Variants in TLR5 observed in about 807,000 individuals in gnomAD.
TLR5 encodes toll like receptor 5, also known as toll-like receptor 5.
For synonymous variants in TLR5, 373 were observed against 384.4 expected (o/e 0.97, Z 0.35); for missense variants, 944 against 999.8 (o/e 0.94, Z 0.75).
At chr1:223,116,351 T>C (rs962939243) in intron 5 of TLR5, among the ~76,000 whole-genome samples, 3 of 152,158 alleles carry the variant, frequency 2.0e-5, no homozygotes, top group African/African-American at 7.2e-5. Context: ...AGTGAATCTA[T>C]AGACCTTCAC....
chr1:223,140,953 T>C (rs968520429), intron 2 of TLR5, among the ~76,000 whole-genome samples: 1 of 152,228 alleles, frequency 6.6e-6, no homozygotes, highest in African/African-American at 2.4e-5. Flanking sequence ...TGCCTCAAAC[T>C]TGGGTTTGTC....
intron 2 of TLR5, among the ~76,000 whole-genome samples, chr1:223,140,084 C>A (rs1657774629): frequency 6.6e-6 from 1 of 152,164 alleles, no homozygotes; most frequent in South Asian, 2.1e-4. Flanking sequence ...CAATGGAGAA[C>A]AAAGGAGAAA....
intron 5 of TLR5, among the ~76,000 whole-genome samples, chr1:223,116,609 T>A (rs1202631025): frequency 1.3e-5 from 2 of 152,200 alleles, no homozygotes; most frequent in African/African-American, 4.8e-5. Flanking sequence ...GGGCTGCCAC[T>A]GCTGGCCGCC....
At chr1:223,129,248 T>C (rs1657299423) in intron 5 of TLR5, 2 of 152,274 alleles carry the variant, frequency 1.3e-5, no homozygotes, top group African/African-American at 2.4e-5. Context: ...GCAGAAACCA[T>C]GCGCCAGGCA....
chr1:223,133,893 G>T (rs5744154), intron 4 of TLR5, among the ~76,000 whole-genome samples: 50 of 152,344 alleles, frequency 3.3e-4, no homozygotes, highest in African/African-American at 1.1e-3. Flanking sequence ...GCGGAGCCGC[G>T]GCCGGAGAGT....
intron 5 of TLR5, 139 bp downstream of exon 5, chr1:223,132,336 T>C (rs944528344): frequency 7.9e-5 from 12 of 152,174 alleles, no homozygotes; most frequent in African/African-American, 2.4e-4. Flanking sequence ...TATTTCAGCC[T>C]GGGCGACAGA....
chr1:223,115,149 T>C (rs1204089823), intron 5 of TLR5, among the ~76,000 whole-genome samples: 1 of 152,238 alleles, frequency 6.6e-6, no homozygotes, highest in African/African-American at 2.4e-5. Flanking sequence ...ACTTACATGA[T>C]TCAGCTCTTG....
intron 5 of TLR5, among the ~76,000 whole-genome samples, chr1:223,116,608 C>G (rs1656666906): frequency 6.6e-6 from 1 of 152,184 alleles, no homozygotes; most frequent in Non-Finnish European, 1.5e-5. Context: ...TGGGCTGCCA[C>G]TGCTGGCCGC....
At chr1:223,125,212 GA>G (rs1657118559) in intron 5 of TLR5, among the ~76,000 whole-genome samples, 1 of 152,116 alleles carries the variant, frequency 6.6e-6, no homozygotes, top group Non-Finnish European at 1.5e-5. Context: ...AATCACGTTA[GA>G]AACAAATTTA....
At chr1:223,126,867 C>T (rs947875184) in intron 5 of TLR5, 1 of 152,204 alleles carries the variant, frequency 6.6e-6, no homozygotes, top group Non-Finnish European at 1.5e-5. Context: ...TCCTGCCAAG[C>T]ACTGTTAATT....
intron 4 of TLR5, among the ~76,000 whole-genome samples, chr1:223,132,862 C>G (rs188255652): frequency 3.8e-4 from 58 of 152,326 alleles, no homozygotes; most frequent in African/African-American, 1.4e-3. Flanking sequence ...GGCCCAGCCT[C>G]TTGTTCAGAA....
chr1:223,112,709 T>A lies in TLR5; in HGVS notation c.323A>T (p.Tyr108Phe). ...CTGAAAAGCATCTGGATGCAAGAAG[T>A]ATATCTTACTACTTCCCAGGTCCAA... is the stretch of plus-strand genomic sequence containing the variant. ...RILDLGSSKIYFLHPDAFQGL... is the reference protein window; with the variant it reads ...RILDLGSSKIFFLHPDAFQGL... Residue 108 changes from tyrosine to phenylalanine, a missense_variant, in exon 6 of 6, where the codon TAC becomes TTC. By Grantham distance (22) the Tyr-to-Phe change is conservative. Coordinates refer to ENST00000642603, the MANE Select transcript of TLR5 (RefSeq NM_003268.6). 6.2e-7 allele frequency: 1 copy of A among 1,614,198 alleles called. No homozygotes were observed.
rs1203020254 is a variant in TLR5, at chr1:223,143,182, T to A, written c.-555+14A>T. 6.6e-6 allele frequency: 1 copy of A among 152,188 alleles called. No homozygotes were observed. Among genetic ancestry groups the A allele is most frequent in the African/African-American group, 2.4e-5 (1 of 41,448 alleles). The allele number at this position is 152,188 out of a possible 1,614,324, so 9.4% of individuals were successfully genotyped here. On this transcript the variant is annotated intron_variant, in intron 1 of 5. Coordinates refer to ENST00000642603, the MANE Select transcript of TLR5 (RefSeq NM_003268.6). ...GGGCCCCCGGCCCATCCCCTGCCGC[T>A]GCAGGGCGCTCACCTCTGGGACGCC...
At chr1:223,133,081 T>A (rs1286776950) in intron 4 of TLR5, among the ~76,000 whole-genome samples, 3 of 152,166 alleles carry the variant, frequency 2.0e-5, no homozygotes, top group Non-Finnish European at 4.4e-5. Context: ...AGTGAGACAT[T>A]TCTAAGCGGT....
At chr1:223,142,705 G>C (rs969732827) in intron 1 of TLR5, among the ~76,000 whole-genome samples, 1 of 152,182 alleles carries the variant, frequency 6.6e-6, no homozygotes, top group African/African-American at 2.4e-5. Context: ...TGTGGGGTGG[G>C]GTGTTTAGGG....
intron 5 of TLR5, among the ~76,000 whole-genome samples, chr1:223,132,153 A>G (rs1657416482): frequency 1.3e-5 from 2 of 152,116 alleles, no homozygotes; most frequent in African/African-American, 4.8e-5. Flanking sequence ...GCTTGAGCCC[A>G]GGAGTTCTAT....
At chr1:223,125,803 G>C (rs930504060) in intron 5 of TLR5, among the ~76,000 whole-genome samples, 1 of 152,206 alleles carries the variant, frequency 6.6e-6, no homozygotes, top group Non-Finnish European at 1.5e-5. Context: ...TACAAATTTA[G>C]TTGGTGTGGA....
intron 5 of TLR5, among the ~76,000 whole-genome samples, chr1:223,115,711 G>A (rs1046678283): frequency 6.6e-6 from 1 of 152,120 alleles, no homozygotes; most frequent in African/African-American, 2.4e-5. Context: ...AAGTAAAGTG[G>A]GAAAAAGGAG....
intron 2 of TLR5, chr1:223,141,402 C>A (rs1372993376): frequency 6.6e-6 from 1 of 152,140 alleles, no homozygotes; most frequent in African/African-American, 2.4e-5. Context: ...CCTCTGCCAT[C>A]ATTTTGGAAG....
Sources: allele counts gnomAD v4.1 joint callset (sites outside exome capture counted in the v4.1 genomes callset), GRCh38; gene constraint gnomAD v4.1.1; transcripts MANE v1.5; gene names NCBI Gene and HGNC (gene_info 2026-07-23, HGNC 2026-07-21).